The following SH3GL1 variants were observed in gnomAD, a reference collection of about 807,000 sequenced individuals.
The protein encoded by SH3GL1 is SH3 domain containing GRB2 like 1, endophilin A2.
Under a neutral mutation model 48.8 loss-of-function variants are expected in SH3GL1, and 21 were observed. The observed-to-expected ratio is 0.43, with a 90% CI of 0.30 to 0.62. The LOEUF is 0.62. Ranked by LOEUF, SH3GL1 falls within the 20% of genes least tolerant of loss-of-function variation. The pLI is 0.11. For synonymous variants in SH3GL1, 282 were observed against 217.5 expected, an observed-to-expected ratio of 1.30 and a Z score of -2.61; for missense variants, 454 against 503.0, an observed-to-expected ratio of 0.90 and a Z score of 0.93.
intron 9 of SH3GL1, among the ~76,000 whole-genome samples, chr19:4,362,094 CCA>C (rs1265529895): frequency 6.6e-6 from 1 of 152,232 alleles, no homozygotes; most frequent in Non-Finnish European, 1.5e-5. Context: ...CTTGTAGCCA[CCA>C]CACAGCCTAG....
At chr19:4,361,856 G>T in intron 9 of SH3GL1, 60 bp from the exon 10 acceptor site, 2 of 1,272,558 alleles carry the variant, frequency 1.6e-6, no homozygotes, top group South Asian at 1.2e-5. Context: ...CCCAGTCTGG[G>T]GTCTCAGACC....
intron 1 of SH3GL1, among the ~76,000 whole-genome samples, chr19:4,375,445 G>A (rs1255171200): frequency 1.3e-5 from 2 of 152,270 alleles, no homozygotes; most frequent in Non-Finnish European, 2.9e-5. Flanking sequence ...CCAGGGCTGG[G>A]CGAGGAATCT....
intron 1 of SH3GL1, among the ~76,000 whole-genome samples, chr19:4,383,218 AT>A (rs34797481): frequency 1.7e-3 from 233 of 138,414 alleles, no homozygotes; most frequent in Non-Finnish European, 1.9e-3. Flanking sequence ...ACGCCTGGAC[AT>A]TTTTTTTTTT....
intron 1 of SH3GL1, among the ~76,000 whole-genome samples, chr19:4,392,518 T>TCACACACA (rs60108906): frequency 2.0e-3 from 270 of 137,842 alleles, no homozygotes; most frequent in East Asian, 5.3e-3. Flanking sequence ...CAAGACTCCG[T>TCACACACA]CACACACACA....
chr19:4,370,274 G>A (rs1026510292), intron 1 of SH3GL1, among the ~76,000 whole-genome samples: 5 of 152,226 alleles, frequency 3.3e-5, no homozygotes, highest in Non-Finnish European at 2.9e-5. Flanking sequence ...CATTCCTGCC[G>A]AGGGAGACTC....
chr19:4,388,925 C>T lies in SH3GL1; in HGVS notation c.45+11399G>A, dbSNP rs139485713. On this transcript the variant is annotated intron_variant, in intron 1 of 9. Coordinates refer to ENST00000269886, the MANE Select transcript of SH3GL1 (RefSeq NM_003025.4). ...TAAACCACAGGAGACACTCTCTGAG[C>T]TGTTGATTTTTTCAGAGCAGTCGGA... Among the ~76,000 whole-genome samples the T allele has an allele frequency of 2.3e-3, 347 of 152,322 alleles. 1 individual carries two copies. Among genetic ancestry groups the T allele is most frequent in the African/African-American group, 8.1e-3 (335 of 41,566 alleles).
rs528093538 is a variant in SH3GL1, at chr19:4,389,080, G to A, written c.45+11244C>T. ...GAGCCACCACCAGGGACACCACAGG[G>A]GCCCTGTGGAGGACAGCCCCTCACT... On this transcript the variant is annotated intron_variant, in intron 1 of 9. Coordinates refer to ENST00000269886, the MANE Select transcript of SH3GL1 (RefSeq NM_003025.4). The surrounding 1 kb of genome is among the most constrained non-coding windows in gnomAD (Gnocchi z 4.5). 6.6e-6 allele frequency among the ~76,000 whole-genome samples: 1 copy of A among 152,312 alleles called. No homozygotes were observed. The highest frequency in any genetic ancestry group is 2.4e-5 in the African/African-American group (1 of 41,578).
intron 1 of SH3GL1, among the ~76,000 whole-genome samples, chr19:4,387,971 C>T (rs1973267451): frequency 3.3e-5 from 5 of 151,686 alleles, no homozygotes; most frequent in East Asian, 1.9e-4. Context: ...GCGATTCTCC[C>T]GCCTCAGCCT....
At position 4,366,585 on chromosome 19, in the gene SH3GL1, A is replaced by C; in HGVS notation, c.115-12T>G. 6.2e-7 allele frequency: 1 copy of C among 1,610,506 alleles called. No homozygotes were observed. The highest frequency in any genetic ancestry group is 8.5e-7 in the Non-Finnish European group (1 of 1,178,748). On this transcript the variant is annotated splice_polypyrimidine_tract_variant and intron_variant, in intron 2 of 9. Transcript: ENST00000269886. ...GTGACATCCACCTTCTGTGAAGAGA[A>C]GCAGCATATAAGACTCCACAGCCAG...
chr19:4,379,529 T>C (rs574433822), intron 1 of SH3GL1, among the ~76,000 whole-genome samples: 4 of 152,064 alleles, frequency 2.6e-5, no homozygotes, highest in African/African-American at 9.6e-5. Context: ...ACACACCTGC[T>C]GCTGTCTCAC....
At position 4,367,423 on chromosome 19, in the gene SH3GL1, TA is replaced by T. The variant is rs746066845; in HGVS notation, c.46-430del. ...CATCCTTGAGTATGTGGGGTCTACT[TA>T]AAAAAAAAAATCCTGCCAGCTTGGC... On this transcript the variant is annotated intron_variant, in intron 1 of 9. Transcript: ENST00000269886. This position sits in a 1 kb window ranked among gnomAD's most constrained non-coding sequence, Gnocchi z 4.2. 3.7e-3 allele frequency among the ~76,000 whole-genome samples: 551 copies of T among 147,580 alleles called. 2 individuals are homozygous for T. The highest frequency in any genetic ancestry group is 0.013 in the African/African-American group (512 of 40,488).
intron 1 of SH3GL1, among the ~76,000 whole-genome samples, chr19:4,379,632 G>C (rs1331842879): frequency 6.6e-6 from 1 of 152,014 alleles, no homozygotes; most frequent in Non-Finnish European, 1.5e-5. Context: ...ACTTGGCACA[G>C]CTGCCCATCC....
At chr19:4,369,969 G>A (rs1295159721) in intron 1 of SH3GL1, among the ~76,000 whole-genome samples, 1 of 152,272 alleles carries the variant, frequency 6.6e-6, no homozygotes, top group Non-Finnish European at 1.5e-5. Context: ...TGCAGCGCCG[G>A]CCGCAAGCGC....
At chr19:4,368,168 G>A (rs538906758) in intron 1 of SH3GL1, among the ~76,000 whole-genome samples, 1 of 152,332 alleles carries the variant, frequency 6.6e-6, no homozygotes, top group East Asian at 1.9e-4. Context: ...CTGTGCCCCT[G>A]GTGCTCCCCA....
Position 4,361,359 on chromosome 19 carries a change from G to C in SH3GL1, c.*241C>G, listed in dbSNP as rs1471257406. On this transcript the variant is annotated 3_prime_UTR_variant, in exon 10 of 10. Transcript: ENST00000269886. ...GGGAGGAGGCTGGCGCCATGGAGTG[G>C]GGAAGGGAGCCGTCACCGTTGGGAG... 1 of 533,238 alleles carries C rather than the reference G, an allele frequency of 1.9e-6. No individual in the cohort carries two copies. Among genetic ancestry groups the C allele is most frequent in the Non-Finnish European group, 3.3e-6 (1 of 300,460 alleles). 33.0% of individuals were successfully genotyped at this position (533,238 alleles called of 1,614,324 possible).
chr19:4,365,756 C>T (rs1053599343), intron 3 of SH3GL1, 131 bp from the exon 4 acceptor site: 4 of 1,294,508 alleles, frequency 3.1e-6, no homozygotes, highest in Non-Finnish European at 4.4e-6. Flanking sequence ...ACACAAAGCA[C>T]AGTGGAATCC....
Position 4,364,884 on chromosome 19 carries a change from GTGTGTGTGTGTGTGTA to G in SH3GL1, c.331+582_331+597del, listed in dbSNP as rs1231034124. 8.2e-3 allele frequency among the ~76,000 whole-genome samples: 716 copies of G among 87,170 alleles called. 7 individuals carry two copies. The highest frequency in any genetic ancestry group is 0.043 in the South Asian group (120 of 2,762). 57.2% of individuals were successfully genotyped at this position (87,170 alleles called of 152,430 possible). A position where few individuals can be genotyped will look rare whatever the true frequency, so the allele number is the denominator to read the frequency against. ...CGGCTAATTGTGTGTGTGTGTGTGT[GTGTGTGTGTGTGTGTA>G]TATATATATATATATATTTTTTTTT... On this transcript the variant is annotated intron_variant, in intron 4 of 9. Coordinates refer to ENST00000269886, the MANE Select transcript of SH3GL1 (RefSeq NM_003025.4).
At chr19:4,392,353 G>A (rs1191928767) in intron 1 of SH3GL1, among the ~76,000 whole-genome samples, 3 of 152,020 alleles carry the variant, frequency 2.0e-5, no homozygotes, top group Non-Finnish European at 4.4e-5. Context: ...ATGAAACCCT[G>A]TGTCCACTAA....
chr19:4,379,008 A>T (rs1280315517), intron 1 of SH3GL1, among the ~76,000 whole-genome samples: 1 of 152,246 alleles, frequency 6.6e-6, no homozygotes, highest in Non-Finnish European at 1.5e-5. Context: ...CAGCTGGCTG[A>T]TCGTGCACGA....
Sources: gnomAD v4.1 joint callset for allele counts (sites outside exome capture counted in the v4.1 genomes callset) on GRCh38, gnomAD v4.1.1 for gene constraint, Gnocchi (gnomAD v3.1) non-coding constraint, MANE v1.5 for transcripts, NCBI Gene and HGNC (gene_info 2026-07-23, HGNC 2026-07-21) for gene names.